The following ARHGAP24 variants were observed in gnomAD, a reference collection of about 807,000 sequenced individuals.
ARHGAP24 encodes the protein Rho GTPase activating protein 24.
A neutral mutation model predicts 76.4 loss-of-function variants in ARHGAP24; 50 were observed. The ratio of observed to expected loss-of-function variants is 0.65; its 90% CI spans 0.52 to 0.83. The LOEUF (loss-of-function observed/expected upper bound fraction) is 0.83, where lower values mean the gene tolerates loss of function less well. ARHGAP24 is among the 40% of genes least tolerant of loss of function. The probability of loss-of-function intolerance (pLI) is 0.00; values close to 1 mark genes in which losing one functional copy is unlikely to be tolerated. For synonymous variants in ARHGAP24, 345 were observed against 323.3 expected (o/e 1.07, Z -0.72); for missense variants, 930 against 914.2 (o/e 1.02, Z -0.22).
At chr4:85,601,201 A>G (rs1720017623) in intron 2 of ARHGAP24, among the ~76,000 whole-genome samples, 1 of 152,166 alleles carries the variant, frequency 6.6e-6, no homozygotes, top group Non-Finnish European at 1.5e-5. Flanking sequence ...ATGGAAGTGA[A>G]ATTATAACTG....
At chr4:85,541,592 T>C (rs1725705376) in intron 1 of ARHGAP24, among the ~76,000 whole-genome samples, 1 of 152,030 alleles carries the variant, frequency 6.6e-6, no homozygotes, top group Admixed American at 6.5e-5. Context: ...ATTTCAAAAA[T>C]TAGTAATCAG....
At chr4:85,708,605 C>A (rs1236716229) in intron 2 of ARHGAP24, among the ~76,000 whole-genome samples, 1 of 152,164 alleles carries the variant, frequency 6.6e-6, no homozygotes, top group Non-Finnish European at 1.5e-5. Flanking sequence ...CTGATGAATG[C>A]ATATCTTACT....
intron 2 of ARHGAP24, among the ~76,000 whole-genome samples, chr4:85,683,347 C>T (rs1723298929): frequency 6.6e-6 from 1 of 152,012 alleles, no homozygotes; most frequent in Non-Finnish European, 1.5e-5. Flanking sequence ...CTATCCTAGC[C>T]CATGAAGGGG....
At chr4:85,748,050 C>CA (rs1383302788) in intron 3 of ARHGAP24, among the ~76,000 whole-genome samples, 1 of 152,200 alleles carries the variant, frequency 6.6e-6, no homozygotes, top group Non-Finnish European at 1.5e-5. Context: ...TTGACAGATA[C>CA]AAAATACACA....
At chr4:85,754,223 C>T (rs1726384838) in intron 3 of ARHGAP24, among the ~76,000 whole-genome samples, 1 of 152,152 alleles carries the variant, frequency 6.6e-6, no homozygotes, top group East Asian at 1.9e-4. Flanking sequence ...ACATAATGAC[C>T]TCCAGTTCCA....
chr4:85,610,228 G>A (rs576584552), intron 2 of ARHGAP24, among the ~76,000 whole-genome samples: 2 of 151,858 alleles, frequency 1.3e-5, no homozygotes, highest in Non-Finnish European at 2.9e-5. Context: ...CGGATCACGA[G>A]GTCAGGAGAT....
At chr4:85,611,969 T>G (rs1291018877) in intron 2 of ARHGAP24, among the ~76,000 whole-genome samples, 1 of 152,162 alleles carries the variant, frequency 6.6e-6, no homozygotes, top group Non-Finnish European at 1.5e-5. Flanking sequence ...ATTGACTGCA[T>G]GCACTGGCAA....
intron 4 of ARHGAP24, among the ~76,000 whole-genome samples, chr4:85,932,717 GT>G (rs1038164343): frequency 3.9e-5 from 6 of 152,084 alleles, no homozygotes; most frequent in African/African-American, 1.2e-4. Context: ...AGGATGAAGA[GT>G]TTTTTTTATT....
At chr4:85,878,435 T>C (rs908589921) in intron 3 of ARHGAP24, among the ~76,000 whole-genome samples, 1 of 152,202 alleles carries the variant, frequency 6.6e-6, no homozygotes, top group African/African-American at 2.4e-5. Flanking sequence ...ATTTTTAGTG[T>C]TACAATTAAT....
At chr4:85,966,629 TG>T (rs1738625984) in intron 5 of ARHGAP24, among the ~76,000 whole-genome samples, 2 of 152,190 alleles carry the variant, frequency 1.3e-5, no homozygotes, top group Admixed American at 1.3e-4. Context: ...ATTGCTTTTC[TG>T]TGTCTTGCTG....
At chr4:85,612,792 C>CTTTTTTTTTTTTTTTTTTT in intron 2 of ARHGAP24, among the ~76,000 whole-genome samples, 1 of 82,782 alleles carries the variant, frequency 1.2e-5, no homozygotes, top group Non-Finnish European at 2.2e-5. Context: ...CTTTCCATTC[C>CTTTTTTTTTTTTTTTTTTT]TTTTTTTTTT....
chr4:85,953,745 C>T (rs988598787), intron 5 of ARHGAP24, among the ~76,000 whole-genome samples: 3 of 151,824 alleles, frequency 2.0e-5, no homozygotes, highest in Non-Finnish European at 2.9e-5. Context: ...AGAGCAGGCA[C>T]GAGGTCAGGG....
At chr4:85,647,193 T>C (rs1282381865) in intron 2 of ARHGAP24, among the ~76,000 whole-genome samples, 2 of 152,086 alleles carry the variant, frequency 1.3e-5, no homozygotes, top group Admixed American at 1.3e-4. Flanking sequence ...GATTTGATTA[T>C]AATTATTATT....
chr4:85,853,324 T>C (rs1248184788), intron 3 of ARHGAP24, among the ~76,000 whole-genome samples: 21 of 152,214 alleles, frequency 1.4e-4, no homozygotes, highest in Admixed American at 1.4e-3. Context: ...TTGCTAAGAC[T>C]GTTGGAAAAG....
rs111410344 is a variant in ARHGAP24, at chr4:85,755,626, G to GTTTTTTTTTTTTTTTTTTTTTTTTT, written c.268+33658_268+33659insTTTTTTTTTTTTTTTTTTTTTTTTT. Among the ~76,000 whole-genome samples the GTTTTTTTTTTTTTTTTTTTTTTTTT allele has an allele frequency of 3.4e-5, 4 of 117,372 alleles. 1 individual carries two copies. The highest frequency in any genetic ancestry group is 2.9e-5 in the African/African-American group (1 of 34,442). The allele number at this position is 117,372 out of a possible 152,430, so 77.0% of individuals were successfully genotyped here. ...TTCTATGGGAAGCTTCTATTCTTTTGTTTTGTTTTGTTTTGTTTTGTTTTG... is the reference window on the plus strand; with the variant it reads ...TTCTATGGGAAGCTTCTATTCTTTTGTTTTTTTTTTTTTTTTTTTTTTTTTTTTTGTTTTGTTTTGTTTTGTTTTG... On this transcript the variant is annotated intron_variant, in intron 3 of 9. Transcript: ENST00000395184.
At position 85,564,133 on chromosome 4, in the gene ARHGAP24, G is replaced by C. The variant is rs556821092; in HGVS notation, c.-20-6389G>C. On this transcript the variant is annotated intron_variant, in intron 1 of 9. Transcript: ENST00000395184. ...GGCATATGCTTACATGACTTCCAGT[G>C]CCATGGCACTGAGTATTTAAAAAAT... Among the ~76,000 whole-genome samples the C allele has an allele frequency of 3.3e-5, 5 of 152,242 alleles. No individual in the cohort carries two copies. The South Asian group carries it at 1.0e-3, about 32-fold the overall frequency.
intron 1 of ARHGAP24, among the ~76,000 whole-genome samples, chr4:85,534,195 G>A (rs945987913): frequency 6.6e-6 from 1 of 152,128 alleles, no homozygotes; most frequent in Non-Finnish European, 1.5e-5. Context: ...AAAATGAGAA[G>A]TATTACCAGT....
rs376614296 is a variant in ARHGAP24, at chr4:86,000,622, A to C, written c.2147A>C (p.Asp716Ala). 34 of 1,613,998 alleles carry C rather than the reference A, an allele frequency of 2.1e-5. No individual in the cohort carries two copies. In the East Asian group the frequency reaches 2.2e-4, roughly 11 times the overall value. Residue 716 changes from aspartate to alanine, a missense_variant, in exon 10 of 10, where the codon GAC (aspartate) becomes GCC (alanine). Transcript: ENST00000395184. ...RAKEDAEKRNDMLQKEMEQFF... is the reference protein window; with the variant it reads ...RAKEDAEKRNAMLQKEMEQFF... ...AAAGAAGATGCCGAGAAAAGAAATG[A>C]CATGCTACAGAAAGAAATGGAGCAG...
intron 2 of ARHGAP24, among the ~76,000 whole-genome samples, chr4:85,656,571 G>A (rs1445630425): frequency 1.3e-5 from 2 of 152,026 alleles, no homozygotes; most frequent in Non-Finnish European, 2.9e-5. Context: ...GAGTTCAAGC[G>A]ATTCTCCTGC....
Sources: gnomAD v4.1 joint callset for allele counts (sites outside exome capture counted in the v4.1 genomes callset) on GRCh38, gnomAD v4.1.1 for gene constraint, MANE v1.5 for transcripts, NCBI Gene and HGNC (gene_info 2026-07-23, HGNC 2026-07-21) for gene names.